TENM1: variants seen among roughly 807,000 people sequenced by gnomAD.
TENM1 encodes the protein teneurin-1.
In TENM1, 35 loss-of-function variants were observed where a neutral mutation model predicts 174.8. The ratio of observed to expected loss-of-function variants is 0.20; its 90% CI spans 0.15 to 0.27. TENM1 has a LOEUF of 0.27. Among genes scored for constraint, TENM1 ranks in the 10% least tolerant of loss-of-function variants. The pLI is 1.00. For synonymous variants in TENM1, 781 were observed against 798.7 expected (o/e 0.98, Z 0.37); for missense variants, 1,633 against 2,130.1 (o/e 0.77, Z 4.59).
At chrX:124,929,389 A>C (rs1603279843) in intron 1 of TENM1, among the ~76,000 whole-genome samples, 1 of 112,297 alleles carries the variant, frequency 8.9e-6, no homozygotes, top group South Asian at 3.7e-4. Context: ...CATATGGTTA[A>C]GGCATAATAA....
the TENM1 span, among the ~76,000 whole-genome samples, chrX:125,200,388 A>C: frequency 1.7e-4 from 19 of 110,813 alleles, no homozygotes; most frequent in Non-Finnish European, 3.2e-4. Flanking sequence ...TCGTGGGTAT[A>C]TGCTGTTGGT....
In TENM1 at chrX:124,547,237, T is replaced by C. The variant is rs59902401; in HGVS notation, c.2435-147A>G. The C allele has an allele frequency of 8.0e-3, 3,702 of 465,608 alleles. 104 individuals carry two copies. The African/African-American group carries it at 0.08, about 10-fold the overall frequency. 38.4% of individuals were successfully genotyped at this position (465,608 alleles called of 1,213,427 possible). A position where few individuals can be genotyped will look rare whatever the true frequency, so the allele number is the denominator to read the frequency against. ...TTCAGAATTTGTTAAATTCACATTT[T>C]TCATGAATTATCACTCACTCTGAGT... On this transcript the variant is annotated intron_variant, in intron 14 of 31. Transcript: ENST00000422452.
intron 3 of TENM1, among the ~76,000 whole-genome samples, chrX:124,748,365 G>A (rs1338885975): frequency 2.7e-5 from 3 of 109,177 alleles, no homozygotes; most frequent in Non-Finnish European, 5.7e-5. Flanking sequence ...TAGAGAGAGA[G>A]ATTATATATA....
chrX:125,059,951 C>T, the TENM1 span, among the ~76,000 whole-genome samples: 1 of 109,282 alleles, frequency 9.2e-6, no homozygotes, highest in Non-Finnish European at 1.9e-5. Flanking sequence ...CACTTACCTT[C>T]CATAATGCCT....
chrX:124,520,410 A>T, intron 18 of TENM1, 107 bp downstream of exon 21: 2 of 867,192 alleles, frequency 2.3e-6, no homozygotes, highest in Non-Finnish European at 3.2e-6. Flanking sequence ...TAGGTCCTTT[A>T]AACAGAAGAA....
At chrX:125,085,512 C>T in the TENM1 span, among the ~76,000 whole-genome samples, 1 of 111,229 alleles carries the variant, frequency 9.0e-6, no homozygotes, top group Non-Finnish European at 1.9e-5. Flanking sequence ...CTAATTTACA[C>T]TCCTCCAGAA....
chrX:124,814,959 TATATCCAATGTTTTC>T (rs1282460461), intron 3 of TENM1, among the ~76,000 whole-genome samples: 1 of 112,433 alleles, frequency 8.9e-6, no homozygotes, highest in East Asian at 2.8e-4. Flanking sequence ...CTAGATGGTG[TATATCCAATGTTTTC>T]ATCAGTAAAT....
chrX:124,989,376 A>G, the TENM1 span, among the ~76,000 whole-genome samples: 29,727 of 111,005 alleles, frequency 0.27, 4,453 homozygotes, highest in African/African-American at 0.58. Flanking sequence ...ATTACAGAGA[A>G]AAATTAAGTA....
chrX:124,617,617 C>G (rs894431041), intron 11 of TENM1, among the ~76,000 whole-genome samples: 1 of 112,204 alleles, frequency 8.9e-6, no homozygotes, highest in Admixed American at 9.5e-5. Context: ...GCATTAGGCC[C>G]TTCTAGTTCA....
At chrX:125,091,959 T>A in the TENM1 span, among the ~76,000 whole-genome samples, 6 of 80,593 alleles carry the variant, frequency 7.4e-5, no homozygotes, top group African/African-American at 2.7e-4. Context: ...CACTCCAGCC[T>A]GGGCAACGAG....
intron 23 of TENM1, among the ~76,000 whole-genome samples, chrX:124,428,131 T>C (rs907491539): frequency 8.9e-6 from 1 of 112,164 alleles, no homozygotes; most frequent in African/African-American, 3.2e-5. Context: ...AGGTCACTTG[T>C]GTAGCCGCCA....
chrX:125,043,394 C>A, the TENM1 span, among the ~76,000 whole-genome samples: 6 of 78,918 alleles, frequency 7.6e-5, no homozygotes, highest in Non-Finnish European at 1.4e-4. Flanking sequence ...ATTTATGCAG[C>A]CAAAAAACAC....
intron 3 of TENM1, among the ~76,000 whole-genome samples, chrX:124,773,213 G>A (rs771328904): frequency 1.2e-4 from 13 of 110,917 alleles, no homozygotes; most frequent in African/African-American, 4.3e-4. Context: ...TAGTTGCCTT[G>A]GAAGCACTGC....
chrX:124,485,733 G>A (rs938716783), intron 21 of TENM1, among the ~76,000 whole-genome samples: 1 of 111,749 alleles, frequency 8.9e-6, no homozygotes, highest in Admixed American at 9.5e-5. Flanking sequence ...AATCTCAGCT[G>A]GGGAAACCCA....
chrX:124,732,714 C>A (rs2053591582), intron 4 of TENM1, among the ~76,000 whole-genome samples: 1 of 111,637 alleles, frequency 9.0e-6, no homozygotes, highest in Non-Finnish European at 1.9e-5. Flanking sequence ...CTCTTGGAGT[C>A]ATGTGGTACA....
chrX:125,046,003 T>C, the TENM1 span, among the ~76,000 whole-genome samples: 1 of 111,449 alleles, frequency 9.0e-6, no homozygotes, highest in African/African-American at 3.3e-5. Context: ...CACTCCTTAT[T>C]TGGAGGTAGT....
At chrX:124,416,930 G>T (rs2060600316) in intron 25 of TENM1, among the ~76,000 whole-genome samples, 1 of 111,791 alleles carries the variant, frequency 8.9e-6, no homozygotes, top group Non-Finnish European at 1.9e-5. Flanking sequence ...TGTCATATAA[G>T]GACTCAGCAG....
rs1199277976 is a variant in TENM1 at position 124,833,693 on chromosome X, C to G, written c.535+60603G>C. ...TACTTTTTCTCTTATTACTGAGAAA[C>G]AAGCCATTTATATCACTCTTCAACT... On this transcript the variant is annotated intron_variant, in intron 3 of 31. Transcript: ENST00000422452. 3.6e-5 allele frequency among the ~76,000 whole-genome samples: 4 copies of G among 111,317 alleles called. No homozygotes were observed. The East Asian group carries it at 8.4e-4, about 23-fold the overall frequency.
At chrX:124,824,030 C>T (rs1387889094) in intron 3 of TENM1, among the ~76,000 whole-genome samples, 1 of 111,786 alleles carries the variant, frequency 8.9e-6, no homozygotes, top group Non-Finnish European at 1.9e-5. Flanking sequence ...TATAGGTACA[C>T]CATGATTTAT....
Sources: gnomAD v4.1 joint callset for allele counts (sites outside exome capture counted in the v4.1 genomes callset) on GRCh38, gnomAD v4.1.1 for gene constraint, MANE v1.5 for transcripts, NCBI Gene and HGNC (gene_info 2026-07-23, HGNC 2026-07-21) for gene names.